SNRNP40: variants seen among roughly 807,000 people sequenced by gnomAD.
SNRNP40 encodes small nuclear ribonucleoprotein U5 subunit 40.
A neutral mutation model predicts 45.8 loss-of-function variants in SNRNP40; 21 were observed. The ratio of observed to expected loss-of-function variants is 0.46; its 90% confidence interval spans 0.32 to 0.66. The LOEUF (loss-of-function observed/expected upper bound fraction) is 0.66. Among genes scored for constraint, SNRNP40 ranks in the 30% least tolerant of loss-of-function variants. SNRNP40 has a pLI of 0.03. For missense variants in SNRNP40, 344 were observed against 439.1 expected (o/e 0.78, Z 1.94); for synonymous variants, 142 against 163.8 (o/e 0.87, Z 1.01).
At chr1:31,290,943 A>G (rs1270060250) in intron 3 of SNRNP40, among the ~76,000 whole-genome samples, 2 of 152,106 alleles carry the variant, frequency 1.3e-5, no homozygotes, top group East Asian at 3.8e-4. Flanking sequence ...ACAAATATGC[A>G]ACAACTAAAC....
chr1:31,274,644 T>C (rs1411589941), intron 5 of SNRNP40, among the ~76,000 whole-genome samples: 1 of 50,452 alleles, frequency 2.0e-5, no homozygotes, highest in African/African-American at 8.5e-5. Flanking sequence ...AACCATTACA[T>C]TAAAAAAAAA....
At chr1:31,285,210 G>A (rs567612123) in intron 4 of SNRNP40, among the ~76,000 whole-genome samples, 1 of 151,100 alleles carries the variant, frequency 6.6e-6, no homozygotes, top group Non-Finnish European at 1.5e-5. Context: ...TAAATCATTT[G>A]AGAGTAAGTT....
rs1646013026 is a variant in SNRNP40 at position 31,281,024 on chromosome 1, G to T, written c.654+350C>A. ...AAAGAAAAACACAGTGAGAGATGAG[G>T]ATACAGAATCACAAACTGATTCACT... On this transcript the variant is annotated intron_variant, in intron 5 of 9. Coordinates refer to ENST00000263694, the MANE Select transcript of SNRNP40 (RefSeq NM_004814.3). Among the ~76,000 whole-genome samples the T allele has an allele frequency of 2.0e-5, 3 of 152,250 alleles. 1 individual carries two copies. The South Asian group carries it at 6.2e-4, about 32-fold the overall frequency.
intron 3 of SNRNP40, among the ~76,000 whole-genome samples, chr1:31,290,425 A>G (rs1351108731): frequency 6.6e-6 from 1 of 152,190 alleles, no homozygotes; most frequent in African/African-American, 2.4e-5. Flanking sequence ...AAAACAATGA[A>G]TGTTTACCAG....
At chr1:31,288,578 C>T (rs1192368586) in intron 4 of SNRNP40, among the ~76,000 whole-genome samples, 1 of 152,030 alleles carries the variant, frequency 6.6e-6, no homozygotes, top group African/African-American at 2.4e-5. Flanking sequence ...TGGCAACCAT[C>T]TGACTAAACG....
At chr1:31,267,576 G>A (rs564083680) in intron 8 of SNRNP40, among the ~76,000 whole-genome samples, 2 of 152,004 alleles carry the variant, frequency 1.3e-5, no homozygotes, top group South Asian at 2.1e-4. Context: ...CTTGCTGCCC[G>A]GGCTGGAGCA....
chr1:31,276,807 C>T (rs557565955), intron 5 of SNRNP40, among the ~76,000 whole-genome samples: 4 of 151,720 alleles, frequency 2.6e-5, no homozygotes, highest in East Asian at 1.9e-4. Flanking sequence ...CTGAGGTGGG[C>T]GGATCACCTG....
intron 9 of SNRNP40, 75 bp from the exon 10 acceptor site, chr1:31,260,196 A>C (rs1409875271): frequency 8.9e-6 from 9 of 1,012,580 alleles, no homozygotes; most frequent in Non-Finnish European, 1.3e-5. Context: ...TCTTGTGTCA[A>C]GAGCCAATTC....
intron 4 of SNRNP40, among the ~76,000 whole-genome samples, chr1:31,283,921 A>G (rs1464743877): frequency 6.6e-6 from 1 of 152,178 alleles, no homozygotes; most frequent in Non-Finnish European, 1.5e-5. Context: ...TGTAAGAGCT[A>G]AAACTATAAA....
chr1:31,296,265 C>T (rs945529969), intron 1 of SNRNP40, among the ~76,000 whole-genome samples: 2 of 152,206 alleles, frequency 1.3e-5, no homozygotes, highest in South Asian at 4.1e-4. Flanking sequence ...TTCCCTCCCT[C>T]ATTCATTCAT....
At chr1:31,269,127 C>T (rs1443166529) in intron 7 of SNRNP40, 31 bp downstream of exon 7, 3 of 1,542,180 alleles carry the variant, frequency 1.9e-6, no homozygotes, top group African/African-American at 1.4e-5. Flanking sequence ...AGTAAATGAA[C>T]AGTAAAACTC....
chr1:31,282,269 A>G (rs1339092465), intron 4 of SNRNP40: 1 of 152,180 alleles, frequency 6.6e-6, no homozygotes, highest in African/African-American at 2.4e-5. Context: ...GATGAGCCCA[A>G]AGGACTTACA....
chr1:31,273,263 C>T (rs1448414417), intron 5 of SNRNP40, among the ~76,000 whole-genome samples: 2 of 152,164 alleles, frequency 1.3e-5, no homozygotes, highest in Non-Finnish European at 2.9e-5. Context: ...CAACCCCTCA[C>T]AGAACTTGTG....
intron 6 of SNRNP40, among the ~76,000 whole-genome samples, chr1:31,270,029 A>G (rs549584509): frequency 6.6e-6 from 1 of 152,056 alleles, no homozygotes; most frequent in African/African-American, 2.4e-5. Flanking sequence ...CAGCCTCCCA[A>G]GTAGCTGGGA....
intron 4 of SNRNP40, among the ~76,000 whole-genome samples, chr1:31,285,188 C>T (rs747136585): frequency 5.3e-5 from 8 of 150,498 alleles, no homozygotes; most frequent in Non-Finnish European, 1.2e-4. Flanking sequence ...AAAAAGAACA[C>T]TTTTTTTGGT....
In SNRNP40 at chr1:31,259,918, A is replaced by C; in HGVS notation, c.*154T>G. ...TAGTCATCCTGGTGAAATGGGACAG[A>C]AGTGGTTTTTGGAATATGGCCACCG... is the stretch of plus-strand genomic sequence containing the variant. On this transcript the variant is annotated 3_prime_UTR_variant, in exon 10 of 10. Coordinates refer to ENST00000263694, the MANE Select transcript of SNRNP40 (RefSeq NM_004814.3). The C allele has an allele frequency of 1.4e-6, 1 of 711,688 alleles. No homozygotes were observed. The highest frequency in any genetic ancestry group is 1.5e-5 in the South Asian group (1 of 67,364). The allele number at this position is 711,688 out of a possible 1,614,324, so 44.1% of individuals were successfully genotyped here.
intron 5 of SNRNP40, among the ~76,000 whole-genome samples, chr1:31,272,986 C>A (rs1645948933): frequency 6.6e-6 from 1 of 152,150 alleles, no homozygotes; most frequent in Non-Finnish European, 1.5e-5. Flanking sequence ...AATCAAGACA[C>A]TTTTCCTTAT....
intron 6 of SNRNP40, 95 bp downstream of exon 6, chr1:31,271,284 C>T: frequency 7.8e-7 from 1 of 1,279,916 alleles, no homozygotes; most frequent in Non-Finnish European, 1.1e-6. Context: ...CTAAAGCTTT[C>T]CCCATTACAA....
intron 1 of SNRNP40, among the ~76,000 whole-genome samples, chr1:31,295,251 T>G (rs1217780135): frequency 2.0e-5 from 3 of 150,278 alleles, no homozygotes. Flanking sequence ...TGGTCCCAGC[T>G]ACTCAGGAGG....
Sources: gnomAD v4.1 joint callset for allele counts (sites outside exome capture counted in the v4.1 genomes callset) on GRCh38, gnomAD v4.1.1 for gene constraint, MANE v1.5 for transcripts, NCBI Gene and HGNC (gene_info 2026-07-23, HGNC 2026-07-21) for gene names.